NECAB2: variants seen among roughly 807,000 people sequenced by gnomAD.
The protein encoded by NECAB2 is N-terminal EF-hand calcium binding protein 2.
Under a neutral mutation model 51.9 loss-of-function variants are expected in NECAB2, and 68 were observed. That is an observed-to-expected ratio of 1.31 (90% confidence interval 1.08 to 1.60). The LOEUF (loss-of-function observed/expected upper bound fraction) is 1.60. Ranked by LOEUF, NECAB2 falls within the 40% of genes most tolerant of loss-of-function variation. The probability of loss-of-function intolerance (pLI) is 0.00; values close to 1 mark genes in which losing one functional copy is unlikely to be tolerated. For synonymous variants in NECAB2, 329 were observed against 203.5 expected, an observed-to-expected ratio of 1.62 and a Z score of -5.25; for missense variants, 854 against 490.3, an observed-to-expected ratio of 1.74 and a Z score of -7.00.
intron 5 of NECAB2, among the ~76,000 whole-genome samples, chr16:83,982,696 T>C (rs1325210595): frequency 2.0e-5 from 3 of 152,110 alleles, no homozygotes; most frequent in African/African-American, 7.2e-5. Flanking sequence ...ATAAGAGAGT[T>C]CTCCATCAGT....
intron 10 of NECAB2, 87 bp downstream of exon 10, chr16:83,998,404 TAAG>T: frequency 7.6e-7 from 1 of 1,309,370 alleles, no homozygotes; most frequent in Non-Finnish European, 1.1e-6. Context: ...GGCTTTGCCC[TAAG>T]TAGTACAAGT....
intron 1 of NECAB2, among the ~76,000 whole-genome samples, chr16:83,970,216 G>T (rs949653347): frequency 6.6e-5 from 10 of 152,080 alleles, no homozygotes; most frequent in Non-Finnish European, 1.5e-4. Flanking sequence ...GGGTGGGGCG[G>T]GAGGTGCTCA....
At chr16:83,965,921 G>A (rs778072600), upstream of NECAB2, 43 of 1,612,498 alleles carry the variant, frequency 2.7e-5, no homozygotes, top group East Asian at 6.7e-5. Flanking sequence ...GCCGCTGGCC[G>A]GGGACAACTT....
intron 11 of NECAB2, among the ~76,000 whole-genome samples, chr16:84,001,336 C>T (rs964976548): frequency 2.0e-5 from 3 of 152,000 alleles, no homozygotes; most frequent in African/African-American, 7.3e-5. Flanking sequence ...GAAGCGGGGC[C>T]TAGGGGTAGC....
At chr16:83,977,488 A>G (rs1425260661) in intron 2 of NECAB2, among the ~76,000 whole-genome samples, 1 of 152,104 alleles carries the variant, frequency 6.6e-6, no homozygotes. Flanking sequence ...TGGTAGGGCC[A>G]AAAGTGTCCC....
chr16:83,986,153 A>T (rs558769986), intron 5 of NECAB2, among the ~76,000 whole-genome samples: 1 of 152,198 alleles, frequency 6.6e-6, no homozygotes, highest in African/African-American at 2.4e-5. Flanking sequence ...AGTAGCTGGG[A>T]TTACAGGCGT....
At chr16:83,970,259 G>C (rs940870405) in intron 1 of NECAB2, among the ~76,000 whole-genome samples, 2 of 152,120 alleles carry the variant, frequency 1.3e-5, no homozygotes, top group Non-Finnish European at 2.9e-5. Flanking sequence ...ACATTACCAG[G>C]TGTCAGCCCT....
intron 5 of NECAB2, among the ~76,000 whole-genome samples, chr16:83,983,182 T>C (rs549499913): frequency 2.6e-5 from 4 of 152,210 alleles, no homozygotes; most frequent in Non-Finnish European, 5.9e-5. Context: ...GCTTGCGTAT[T>C]TCCTAAGTGG....
chr16:83,994,722 T>G (rs1426873440), intron 8 of NECAB2, 34 bp downstream of exon 8: 1 of 1,609,900 alleles, frequency 6.2e-7, no homozygotes, highest in African/African-American at 1.3e-5. Flanking sequence ...GTCTACTCCT[T>G]CCAACCCCTG....
In NECAB2 at chr16:84,001,866, A is replaced by G. The variant is rs761041700; in HGVS notation, c.1082A>G (p.Lys361Arg). The change falls in exon 12 of 13, where the codon AAG (lysine) becomes AGG (arginine). Residue 361 changes from lysine (K) to arginine (R), a missense_variant. By Grantham distance (26) the Lys-to-Arg change is conservative. Transcript: ENST00000305202. ...CTGTGTAAGGCGTTCCGGCACGTCA[A>G]GGTGGACACACTGAGCCAGCCTGAG... ...SPLCKAFRHV[K>R]VDTLSQPEAL... 1 of 1,614,152 alleles carries G rather than the reference A, an allele frequency of 6.2e-7. No homozygotes were observed. Among genetic ancestry groups the G allele is most frequent in the Non-Finnish European group, 8.5e-7 (1 of 1,180,008 alleles).
intron 6 of NECAB2, 135 bp from the exon 7 acceptor site, chr16:83,994,167 C>G (rs926580442): frequency 3.8e-6 from 3 of 792,034 alleles, no homozygotes; most frequent in East Asian, 5.2e-5. Flanking sequence ...TCTGTCAAAA[C>G]AAAGGCCATG....
upstream of NECAB2, chr16:83,966,079 C>T: frequency 1.6e-6 from 2 of 1,261,692 alleles, no homozygotes; most frequent in South Asian, 1.5e-5. Flanking sequence ...GGATGCAGGA[C>T]CCGTCCAAAG....
chr16:83,972,582 C>T (rs558847150), intron 2 of NECAB2, among the ~76,000 whole-genome samples: 1 of 152,350 alleles, frequency 6.6e-6, no homozygotes, highest in African/African-American at 2.4e-5. Context: ...TGGTGCAGTT[C>T]TTCATCGTAG....
intron 10 of NECAB2, among the ~76,000 whole-genome samples, chr16:83,999,722 G>A (rs1265879532): frequency 6.6e-6 from 1 of 152,070 alleles, no homozygotes; most frequent in South Asian, 2.1e-4. Context: ...GAGCAATGGG[G>A]GACTTGCCTG....
In NECAB2 at chr16:83,997,539, G is replaced by C. The variant is rs576748192; in HGVS notation, c.849+270G>C. 2.9e-5 allele frequency among the ~76,000 whole-genome samples: 4 copies of C among 137,854 alleles called. No individual in the cohort carries two copies. In the East Asian group the frequency reaches 9.1e-4, roughly 31 times the overall value. The allele number at this position is 137,854 out of a possible 152,430, so 90.4% of individuals were successfully genotyped here. ...GTCTTGCTGTATCTCCCAGGCTGGA[G>C]TGCAGTGGTGGGATGTCGGCTTACT... On this transcript the variant is annotated intron_variant, in intron 9 of 12. Transcript: ENST00000305202.
chr16:83,981,303 G>A (rs555424870), intron 5 of NECAB2, among the ~76,000 whole-genome samples, 176 bp downstream of exon 5: 2 of 152,118 alleles, frequency 1.3e-5, no homozygotes, highest in African/African-American at 2.4e-5. Context: ...GAATAGAATG[G>A]TTTGGTGAAT....
intron 5 of NECAB2, 73 bp downstream of exon 5, chr16:83,981,200 C>T: frequency 7.1e-7 from 1 of 1,415,222 alleles, no homozygotes; most frequent in Non-Finnish European, 9.9e-7. Flanking sequence ...CCTAAGGATG[C>T]CTGGATTTTT....
intron 5 of NECAB2, among the ~76,000 whole-genome samples, chr16:83,982,147 C>A (rs1009743894): frequency 6.6e-6 from 1 of 152,206 alleles, no homozygotes; most frequent in Non-Finnish European, 1.5e-5. Flanking sequence ...TATCAATACG[C>A]TCCTACTGTA....
At chr16:83,981,468 G>A (rs1405657253) in intron 5 of NECAB2, among the ~76,000 whole-genome samples, 2 of 151,594 alleles carry the variant, frequency 1.3e-5, no homozygotes, top group Non-Finnish European at 2.9e-5. Flanking sequence ...GGAAGAGGGG[G>A]CGGGGTGGGG....
Sources: gnomAD v4.1 joint callset for allele counts (sites outside exome capture counted in the v4.1 genomes callset) on GRCh38, gnomAD v4.1.1 for gene constraint, MANE v1.5 for transcripts, NCBI Gene and HGNC (gene_info 2026-07-23, HGNC 2026-07-21) for gene names.